The following ARHGAP15 variants were observed in gnomAD, a reference collection of about 807,000 sequenced individuals.
ARHGAP15 encodes the protein rho GTPase-activating protein 15.
ARHGAP15 carries 51 observed loss-of-function variants against 63.7 expected under a neutral mutation model. The observed-to-expected ratio is 0.80, with a 90% CI of 0.64 to 1.01. ARHGAP15 has a LOEUF of 1.01. Ranked by LOEUF, ARHGAP15 falls within the 50% of genes least tolerant of loss-of-function variation. The pLI is 0.00. For synonymous variants in ARHGAP15, 191 were observed against 193.8 expected, an observed-to-expected ratio of 0.99 and a Z score of 0.12; for missense variants, 560 against 564.6, an observed-to-expected ratio of 0.99 and a Z score of 0.08.
At chr2:143,305,266 T>C (rs1683114226) in intron 6 of ARHGAP15, 1 of 134,682 alleles carries the variant, frequency 7.4e-6, no homozygotes, top group African/African-American at 2.8e-5. Context: ...AAGTGGGAGT[T>C]GAACAATGAG....
intron 5 of ARHGAP15, among the ~76,000 whole-genome samples, chr2:143,249,631 TG>T (rs1680041926): frequency 6.6e-6 from 1 of 152,100 alleles, no homozygotes; most frequent in Admixed American, 6.6e-5. Context: ...AATTCTCAAC[TG>T]GTAAACTTTT....
At chr2:143,494,490 T>C (rs1296478265) in intron 9 of ARHGAP15, among the ~76,000 whole-genome samples, 2 of 152,198 alleles carry the variant, frequency 1.3e-5, no homozygotes, top group Admixed American at 1.3e-4. Context: ...AAAGTAGATA[T>C]TTTTTAAAAG....
chr2:143,725,231 T>G (rs543303902), intron 13 of ARHGAP15, among the ~76,000 whole-genome samples: 32 of 152,372 alleles, frequency 2.1e-4, no homozygotes, highest in African/African-American at 7.5e-4. Flanking sequence ...TTTCATAGCC[T>G]GTTTCTTAAG....
At chr2:143,551,140 A>T (rs1695545195) in intron 10 of ARHGAP15, among the ~76,000 whole-genome samples, 1 of 152,184 alleles carries the variant, frequency 6.6e-6, no homozygotes, top group Non-Finnish European at 1.5e-5. Flanking sequence ...AACATTAACA[A>T]AAAGAATGAA....
intron 9 of ARHGAP15, among the ~76,000 whole-genome samples, chr2:143,517,442 T>C (rs778130417): frequency 6.6e-6 from 1 of 152,220 alleles, no homozygotes; most frequent in Non-Finnish European, 1.5e-5. Context: ...TATTATTCTA[T>C]CTAATTTTAC....
chr2:143,609,934 G>A (rs572017614), intron 11 of ARHGAP15, among the ~76,000 whole-genome samples: 1 of 152,288 alleles, frequency 6.6e-6, no homozygotes, highest in South Asian at 2.1e-4. Context: ...ACTCTAGGCA[G>A]AACTTCTGGG....
At chr2:143,136,549 C>T (rs2068395) in intron 1 of ARHGAP15, among the ~76,000 whole-genome samples, 1 of 151,758 alleles carries the variant, frequency 6.6e-6, no homozygotes, top group African/African-American at 2.4e-5. Context: ...TGTTTACAAC[C>T]TTTTAGTCAG....
At chr2:143,139,769 G>A (rs1252184749) in intron 1 of ARHGAP15, among the ~76,000 whole-genome samples, 2 of 152,004 alleles carry the variant, frequency 1.3e-5, no homozygotes, top group Admixed American at 6.6e-5. Context: ...ATTTTAGTAC[G>A]GAACTTTTTT....
At chr2:143,610,664 C>G (rs1698214471) in intron 11 of ARHGAP15, among the ~76,000 whole-genome samples, 1 of 152,116 alleles carries the variant, frequency 6.6e-6, no homozygotes, top group Non-Finnish European at 1.5e-5. Flanking sequence ...CATCAAAGAG[C>G]TTGGGTTAGC....
intron 3 of ARHGAP15, among the ~76,000 whole-genome samples, chr2:143,211,988 C>T (rs973862754): frequency 2.6e-5 from 4 of 152,080 alleles, no homozygotes; most frequent in African/African-American, 9.7e-5. Flanking sequence ...AAAGCCAAAC[C>T]CTTCTCATCA....
intron 9 of ARHGAP15, among the ~76,000 whole-genome samples, chr2:143,516,182 GA>G (rs1261782997): frequency 6.6e-6 from 1 of 152,172 alleles, no homozygotes; most frequent in Non-Finnish European, 1.5e-5. Context: ...CAAAGATTTA[GA>G]AAATAGGGAA....
intron 12 of ARHGAP15, among the ~76,000 whole-genome samples, chr2:143,678,629 TAGAGA>T (rs1682942146): frequency 6.6e-6 from 1 of 152,312 alleles, no homozygotes; most frequent in East Asian, 1.9e-4. Context: ...TCCATAAAAT[TAGAGA>T]AGAGAACAGA....
At chr2:143,448,898 G>A (rs1690269148) in intron 8 of ARHGAP15, among the ~76,000 whole-genome samples, 1 of 151,954 alleles carries the variant, frequency 6.6e-6, no homozygotes, top group African/African-American at 2.4e-5. Context: ...CTTTAAAGAG[G>A]TTTTTGAAAG....
At chr2:143,397,459 T>C (rs1055498573) in intron 6 of ARHGAP15, among the ~76,000 whole-genome samples, 25 of 151,862 alleles carry the variant, frequency 1.6e-4, no homozygotes, top group Non-Finnish European at 8.8e-5. Context: ...AAATTGCTTA[T>C]TAAAAAATTG....
At chr2:143,150,030 C>T (rs530557150) in intron 1 of ARHGAP15, among the ~76,000 whole-genome samples, 7 of 151,984 alleles carry the variant, frequency 4.6e-5, no homozygotes, top group Admixed American at 2.6e-4. Flanking sequence ...GGGTCTATGG[C>T]GAAATCAAGG....
At chr2:143,428,816 G>A (rs149712625) in intron 6 of ARHGAP15, among the ~76,000 whole-genome samples, 191 of 152,122 alleles carry the variant, frequency 1.3e-3, no homozygotes, top group South Asian at 3.1e-3. Flanking sequence ...AAAACAATGG[G>A]GGCAGCAGAT....
At chr2:143,352,114 T>C (rs1437274117) in intron 6 of ARHGAP15, among the ~76,000 whole-genome samples, 1 of 152,208 alleles carries the variant, frequency 6.6e-6, no homozygotes, top group Non-Finnish European at 1.5e-5. Flanking sequence ...TTGATTTACA[T>C]TGTATTGCAG....
chr2:143,632,844 C>T (rs1162842986), intron 12 of ARHGAP15, among the ~76,000 whole-genome samples: 1 of 152,094 alleles, frequency 6.6e-6, no homozygotes, highest in African/African-American at 2.4e-5. Context: ...TTTATCTTGC[C>T]CTTTGGTCAA....
At chr2:143,758,017 TGTAGCATTG>T (rs1686638339) in intron 13 of ARHGAP15, among the ~76,000 whole-genome samples, 1 of 152,066 alleles carries the variant, frequency 6.6e-6, no homozygotes, top group South Asian at 2.1e-4. Flanking sequence ...AGGATTTCAC[TGTAGCATTG>T]TCTGTAATAG....
Sources: allele counts gnomAD v4.1 joint callset (sites outside exome capture counted in the v4.1 genomes callset), GRCh38; gene constraint gnomAD v4.1.1; transcripts MANE v1.5; gene names NCBI Gene and HGNC (gene_info 2026-07-23, HGNC 2026-07-21).